Variants in SYNE2 observed in about 807,000 individuals in gnomAD.
The protein encoded by SYNE2 is spectrin repeat containing nuclear envelope protein 2.
A neutral mutation model predicts 856.3 loss-of-function variants in SYNE2; 431 were observed. The observed-to-expected ratio is 0.50, with a 90% CI of 0.47 to 0.55. SYNE2 has a LOEUF of 0.55. Ranked by LOEUF, SYNE2 falls within the 20% of genes least tolerant of loss-of-function variation. The pLI is 0.00. For missense variants in SYNE2, 8,129 were observed against 8,023.2 expected, an observed-to-expected ratio of 1.01 and a Z score of -0.50; for synonymous variants, 2,923 against 2,872.3, an observed-to-expected ratio of 1.02 and a Z score of -0.56.
At chr14:64,009,397 A>T (rs1031867099) in intron 31 of SYNE2, among the ~76,000 whole-genome samples, 1 of 152,104 alleles carries the variant, frequency 6.6e-6, no homozygotes, top group East Asian at 1.9e-4. Flanking sequence ...TTAGCCAGGC[A>T]TGGTGGCACT....
At position 64,221,705 on chromosome 14, in the gene SYNE2, G is replaced by T. The variant is rs200022420; in HGVS notation, c.20190+1G>T. On this transcript the variant is annotated splice_donor_variant, in intron 112 of 115. Transcript: ENST00000555002. LOFTEE classifies it high-confidence loss of function. The stretch of plus-strand genomic sequence containing the variant: ...CCTAGAGTGTCGGAGGGAACTAATG[G>T]TAAGTTTCCTCCCAAGGGCTCTGTA... 5 of 1,613,898 alleles carry T rather than the reference G, an allele frequency of 3.1e-6. No homozygotes were observed. Among genetic ancestry groups the T allele is most frequent in the Admixed American group, 3.3e-5 (2 of 60,016 alleles).
chr14:64,223,316 A>G lies in SYNE2; in HGVS notation c.20318A>G (p.Glu6773Gly). The change falls in exon 113 of 116, where the codon GAG becomes GGG. Residue 6773 changes from glutamate to glycine, a missense_variant. Around this residue, in one of 3 missense-constraint regions of SYNE2, gnomAD observed 5,410 missense variants for 5,284.8 expected, o/e 1.02. Transcript: ENST00000555002. ...GCTGAAGAAAAGGTGCATGTTATTG[A>G]GAAGAAACTCAAACAGTTACGGGAG... ...IEAEEKVHVI[E>G]KKLKQLREQV... The G allele has an allele frequency of 1.2e-6, 2 of 1,614,222 alleles. No individual in the cohort carries two copies. Among genetic ancestry groups the G allele is most frequent in the Middle Eastern group, 1.6e-4 (1 of 6,062 alleles).
intron 90 of SYNE2, 126 bp from the exon 91 acceptor site, chr14:64,167,107 A>G: frequency 1.7e-6 from 2 of 1,183,348 alleles, no homozygotes; most frequent in Non-Finnish European, 2.4e-6. Context: ...AAGCTGTTTG[A>G]CTGTGGGCAA....
chr14:63,895,819 T>G (rs1383835150), intron 1 of SYNE2, among the ~76,000 whole-genome samples: 2 of 150,844 alleles, frequency 1.3e-5, no homozygotes, highest in African/African-American at 4.9e-5. Context: ...TACATTTTTG[T>G]AATTTCATTA....
In SYNE2 at chr14:64,074,072, A is replaced by G. The variant is rs759503520; in HGVS notation, c.10802A>G (p.Gln3601Arg). Residue 3601 changes from glutamine to arginine, a missense_variant, in exon 53 of 116, where the codon CAG becomes CGG. By Grantham distance (43) the Gln-to-Arg change is conservative (BLOSUM62 1). Coordinates refer to ENST00000555002, the MANE Select transcript of SYNE2 (RefSeq NM_182914.3). ...EIIALKNFFQQTTTSFQNMAF... is the reference protein window; with the variant it reads ...EIIALKNFFQRTTTSFQNMAF... ...ATTGCTTTGAAGAATTTCTTTCAAC[A>G]GACCACAACTTCATTCCAAAATATG... The G allele has an allele frequency of 7.4e-6, 12 of 1,614,252 alleles. No homozygotes were observed. The East Asian group carries it at 2.2e-4, about 30-fold the overall frequency.
In SYNE2 at chr14:64,132,513, G is replaced by A. The variant is rs545590527; in HGVS notation, c.14514+75G>A. On this transcript the variant is annotated intron_variant, in intron 77 of 115. Coordinates refer to ENST00000555002, the MANE Select transcript of SYNE2 (RefSeq NM_182914.3). ...CCATCACCACCCCAGGTGTTGAGAA[G>A]AAGTATCTAGTTATCATTAAGCTAT... The A allele has an allele frequency of 5.2e-6, 8 of 1,549,056 alleles. No homozygotes were observed. The Admixed American group carries it at 1.2e-4, about 23-fold the overall frequency.
chr14:64,120,033 A>G (rs1209087468), intron 67 of SYNE2, among the ~76,000 whole-genome samples: 1 of 152,236 alleles, frequency 6.6e-6, no homozygotes, highest in South Asian at 2.1e-4. Context: ...TTCATTTGCA[A>G]GTATTTATAT....
rs552479106 is a variant in SYNE2 at position 64,214,334 on chromosome 14, A to C, written c.19197A>C (p.Pro6399=). 6.2e-7 allele frequency: 1 copy of C among 1,614,156 alleles called. No individual in the cohort carries two copies. The highest frequency in any genetic ancestry group is 1.1e-5 in the South Asian group (1 of 91,078). The change falls in exon 106 of 116, where the codon CCA becomes CCC. Residue 6399 remains proline, a synonymous_variant. Coordinates refer to ENST00000555002, the MANE Select transcript of SYNE2 (RefSeq NM_182914.3). ...AGTCCCTGTGTCATCTAGTGGCCCC[A>C]GGGCACGAGCGGTCTGGCTGCGAGA... The part of the protein sequence containing the change: ...SPQSLCHLVA[P]GHERSGCETP...
In SYNE2 at chr14:63,982,182, T is replaced by C. The variant is rs1363229783; in HGVS notation, c.1837-448T>C. Among the ~76,000 whole-genome samples the C allele has an allele frequency of 3.3e-5, 5 of 152,164 alleles. No homozygotes were observed. The East Asian group carries it at 9.6e-4, about 29-fold the overall frequency. On this transcript the variant is annotated intron_variant, in intron 16 of 115. Transcript: ENST00000555002. ...ACTAAAAATGGGAACTGTTAGATAA[T>C]ATTTCTGGTCTAGGGACTCTCCGAA... is the stretch of plus-strand genomic sequence containing the variant.
intron 1 of SYNE2, among the ~76,000 whole-genome samples, chr14:63,777,446 G>A (rs950662434): frequency 6.6e-6 from 1 of 152,134 alleles, no homozygotes; most frequent in Non-Finnish European, 1.5e-5. Context: ...GAGGTGGGAG[G>A]ATTGCTTGTG....
intron 1 of SYNE2, among the ~76,000 whole-genome samples, chr14:63,815,043 C>CCATATATACATCCAG (rs1888864062): frequency 1.6e-5 from 1 of 62,688 alleles, no homozygotes. Flanking sequence ...TATACATCCA[C>CCATATATACATCCAG]ATATATATAT....
chr14:64,173,145 G>A (rs1223114855), intron 94 of SYNE2, among the ~76,000 whole-genome samples: 2 of 152,168 alleles, frequency 1.3e-5, no homozygotes, highest in East Asian at 1.9e-4. Context: ...GACGCAGTGC[G>A]TTAGGGTAGA....
chr14:63,788,006 C>T (rs1029088443), intron 1 of SYNE2, among the ~76,000 whole-genome samples: 1 of 152,202 alleles, frequency 6.6e-6, no homozygotes, highest in East Asian at 1.9e-4. Context: ...CTTCCACTCT[C>T]AGCGCCCCCT....
At position 64,126,164 on chromosome 14, in the gene SYNE2, G is replaced by C. The variant is rs563361568; in HGVS notation, c.13555-163G>C. Among the ~76,000 whole-genome samples the C allele has an allele frequency of 6.6e-5, 10 of 152,232 alleles. No homozygotes were observed. The South Asian group carries it at 2.1e-3, about 32-fold the overall frequency. On this transcript the variant is annotated intron_variant, in intron 71 of 115. Coordinates refer to ENST00000555002, the MANE Select transcript of SYNE2 (RefSeq NM_182914.3). ...TTTTTCTCCAAGTTTAACATCGTAA[G>C]TTTATTTATTTGTTCTGCTACCTAG...
intron 35 of SYNE2, 22 bp from the exon 36 acceptor site, chr14:64,021,293 T>C: frequency 6.3e-7 from 1 of 1,586,638 alleles, no homozygotes; most frequent in African/African-American, 1.3e-5. Context: ...GTTATACAAC[T>C]TCATATATTT....
At chr14:64,011,881 C>T (rs532901938) in intron 32 of SYNE2, among the ~76,000 whole-genome samples, 1 of 152,300 alleles carries the variant, frequency 6.6e-6, no homozygotes, top group South Asian at 2.1e-4. Flanking sequence ...TCTCCCTAAT[C>T]GGAATCTAGG....
chr14:64,035,913 A>G (rs2097085646), intron 45 of SYNE2, among the ~76,000 whole-genome samples: 1 of 146,050 alleles, frequency 6.8e-6, no homozygotes, highest in Admixed American at 7.0e-5. Flanking sequence ...TAAGTTGCCC[A>G]GGGTAGTCTT....
intron 1 of SYNE2, among the ~76,000 whole-genome samples, chr14:63,797,078 C>CAA (rs372872575): frequency 1.4e-4 from 10 of 70,348 alleles, no homozygotes; most frequent in Middle Eastern, 7.9e-3. Context: ...GACTTCATCT[C>CAA]AAAAAAAAAA....
At chr14:64,000,066 T>G (rs1158282362) in intron 27 of SYNE2, among the ~76,000 whole-genome samples, 1 of 152,160 alleles carries the variant, frequency 6.6e-6, no homozygotes, top group Non-Finnish European at 1.5e-5. Context: ...TGTATAGCAG[T>G]GCCTTACCAA....
Sources: allele counts gnomAD v4.1 joint callset (sites outside exome capture counted in the v4.1 genomes callset), GRCh38; gene constraint gnomAD v4.1.1; regional missense constraint gnomAD v4.1.1; transcripts MANE v1.5; gene names NCBI Gene and HGNC (gene_info 2026-07-23, HGNC 2026-07-21).